Variants in BOP1 observed in about 807,000 individuals in gnomAD.
BOP1 encodes the protein ribosome biogenesis protein BOP1.
In BOP1, 54 loss-of-function variants were observed where a neutral mutation model predicts 82.9. The observed-to-expected ratio is 0.65, with a 90% CI of 0.52 to 0.82. The LOEUF (loss-of-function observed/expected upper bound fraction) is 0.82, where lower values mean the gene tolerates loss of function less well. Ranked by LOEUF, BOP1 falls within the 40% of genes least tolerant of loss-of-function variation. The pLI is 0.00. For missense variants in BOP1, 1,170 were observed against 1,072.0 expected (o/e 1.09, Z -1.28); for synonymous variants, 566 against 451.1 (o/e 1.25, Z -3.23).
chr8:144,267,890 C>G (rs1421552845), intron 3 of BOP1, among the ~76,000 whole-genome samples: 1 of 152,260 alleles, frequency 6.6e-6, no homozygotes, highest in Non-Finnish European at 1.5e-5. Context: ...CGCGCGAGCT[C>G]CTGGGGCCTG....
intron 3 of BOP1, among the ~76,000 whole-genome samples, chr8:144,267,560 C>T (rs1288708413): frequency 6.6e-6 from 1 of 152,248 alleles, no homozygotes; most frequent in Non-Finnish European, 1.5e-5. Context: ...GGCTGCAAGG[C>T]AAGAGAGGAA....
At chr8:144,279,861 C>T (rs1186255516) in intron 2 of BOP1, among the ~76,000 whole-genome samples, 1 of 152,114 alleles carries the variant, frequency 6.6e-6, no homozygotes, top group Non-Finnish European at 1.5e-5. Flanking sequence ...GGGTACCCTT[C>T]GTGAACATGG....
rs114344757 is a variant in BOP1 at position 144,278,821 on chromosome 8, A to C, written c.310-2517T>G. ...GCTGCTATCCAAGAGCTCTGTGCCGATGGCTCGTGTGACAGCAACGACTCA... is the reference window on the plus strand; with the variant it reads ...GCTGCTATCCAAGAGCTCTGTGCCGCTGGCTCGTGTGACAGCAACGACTCA... On this transcript the variant is annotated intron_variant, in intron 2 of 15. Coordinates refer to ENST00000569669, the MANE Select transcript of BOP1 (RefSeq NM_015201.5). 7.9e-3 allele frequency among the ~76,000 whole-genome samples: 1,196 copies of C among 152,326 alleles called. 17 individuals are homozygous for C. The highest frequency in any genetic ancestry group is 0.028 in the African/African-American group (1,149 of 41,576).
intron 2 of BOP1, 69 bp from the exon 3 acceptor site, chr8:144,276,373 A>G: frequency 6.4e-7 from 1 of 1,557,868 alleles, no homozygotes; most frequent in Non-Finnish European, 8.7e-7. Context: ...GGGGGATCCC[A>G]GGAAGCCCAC....
intron 2 of BOP1, among the ~76,000 whole-genome samples, chr8:144,283,040 A>C (rs1208975930): frequency 1.3e-5 from 2 of 151,310 alleles, no homozygotes; most frequent in Non-Finnish European, 2.9e-5. Flanking sequence ...AATACAAAAA[A>C]AAAAAAAATT....
intron 3 of BOP1, among the ~76,000 whole-genome samples, chr8:144,266,380 C>T (rs1845363798): frequency 1.3e-5 from 2 of 151,058 alleles, no homozygotes; most frequent in African/African-American, 2.4e-5. Flanking sequence ...AGCCTCCGGG[C>T]TGAGAGGGGC....
intron 3 of BOP1, among the ~76,000 whole-genome samples, chr8:144,272,868 G>A (rs974610885): frequency 6.6e-5 from 10 of 152,180 alleles, no homozygotes; most frequent in Non-Finnish European, 1.2e-4. Flanking sequence ...CAAGGGGCAC[G>A]CGGCAGTCAG....
intron 2 of BOP1, among the ~76,000 whole-genome samples, chr8:144,279,505 C>T (rs1554838683): frequency 6.6e-6 from 1 of 152,168 alleles, no homozygotes; most frequent in African/African-American, 2.4e-5. Flanking sequence ...AGAGAGGGGC[C>T]CAAGGACCCC....
At position 144,264,076 on chromosome 8, in the gene BOP1, T is replaced by G; in HGVS notation, c.1045A>C (p.Ser349Arg). 6.2e-7 allele frequency: 1 copy of G among 1,610,086 alleles called. No individual in the cohort carries two copies. The highest frequency in any genetic ancestry group is 1.3e-5 in the African/African-American group (1 of 74,970). Residue 349 changes from serine (S) to arginine (R), a missense_variant, in exon 8 of 16, where the codon AGC (serine) becomes CGC (arginine). Coordinates refer to ENST00000569669, the MANE Select transcript of BOP1 (RefSeq NM_015201.5). Reference sequence around the variant, plus strand: ...CCGTAGGCAGGCACGGCCCGCAGGCTCGGGAACTTGCGTGGCAAAAAGCTC... The same window carrying G: ...CCGTAGGCAGGCACGGCCCGCAGGCGCGGGAACTTGCGTGGCAAAAAGCTC... Reference protein sequence around the residue: ...KLSFLPRKFPSLRAVPAYGRF... With the variant: ...KLSFLPRKFPRLRAVPAYGRF...
At chr8:144,280,908 A>T (rs1305426805) in intron 2 of BOP1, among the ~76,000 whole-genome samples, 1 of 151,742 alleles carries the variant, frequency 6.6e-6, no homozygotes, top group Non-Finnish European at 1.5e-5. Context: ...GCCTTCTCTC[A>T]CTTTCATACC....
intron 9 of BOP1, 33 bp downstream of exon 9, chr8:144,263,798 G>A (rs995459288): frequency 1.2e-6 from 2 of 1,607,124 alleles, no homozygotes; most frequent in East Asian, 2.2e-5. Context: ...CAGACTGGGA[G>A]GGTGCAACCC....
intron 2 of BOP1, among the ~76,000 whole-genome samples, chr8:144,278,497 G>A (rs587662555): frequency 1.3e-5 from 2 of 152,332 alleles, no homozygotes; most frequent in East Asian, 1.9e-4. Context: ...CATGAGACAC[G>A]GGCTCTGCCC....
chr8:144,286,172 C>A (rs547841553), intron 2 of BOP1, among the ~76,000 whole-genome samples: 2 of 152,340 alleles, frequency 1.3e-5, no homozygotes, highest in Admixed American at 6.5e-5. Flanking sequence ...GGAGGGGTTC[C>A]CACTAAGAAG....
intron 3 of BOP1, among the ~76,000 whole-genome samples, chr8:144,268,747 C>T (rs993024028): frequency 2.0e-4 from 31 of 152,050 alleles, no homozygotes; most frequent in Non-Finnish European, 4.3e-4. Context: ...GGAGGAGCTG[C>T]GTGGCAGAAG....
rs1384211960 is a variant in BOP1 at position 144,262,086 on chromosome 8, G to A, written c.*78C>T. 1.9e-6 allele frequency: 3 copies of A among 1,595,852 alleles called. No individual in the cohort carries two copies. In the African/African-American group the frequency reaches 4.0e-5, roughly 21 times the overall value. On this transcript the variant is annotated 3_prime_UTR_variant, in exon 16 of 16. Coordinates refer to ENST00000569669, the MANE Select transcript of BOP1 (RefSeq NM_015201.5). ...TTGTTGGCAACCCCAATTCAAGAAG[G>A]TGGGAGCACCAGGCAGCACAGGGTA...
rs1815067846 is a variant in BOP1, at chr8:144,291,343, T to G, written c.28A>C (p.Thr10Pro). ...TCCGGCCGCACGCTCGGCGCCGCCG[T>G]GCGCCCCGCACCCCGCGAACCCGCC... MAGSRGAGR[T>P]AAPSVRPEKR... Residue 10 changes from threonine (T) to proline (P), a missense_variant, in exon 1 of 16, where the codon ACG (threonine) becomes CCG (proline). Transcript: ENST00000569669. The surrounding 1 kb of genome is among the most constrained non-coding windows in gnomAD (Gnocchi z 4.1). 1 of 1,400,240 alleles carries G rather than the reference T, an allele frequency of 7.1e-7. No individual in the cohort carries two copies. The highest frequency in any genetic ancestry group is 2.7e-5 in the Admixed American group (1 of 36,950). 86.7% of individuals were successfully genotyped at this position (1,400,240 alleles called of 1,614,324 possible). A position where few individuals can be genotyped will look rare whatever the true frequency, so the allele number is the denominator to read the frequency against.
chr8:144,275,431 G>A (rs1165626217), intron 3 of BOP1, among the ~76,000 whole-genome samples: 4 of 137,064 alleles, frequency 2.9e-5, no homozygotes, highest in East Asian at 2.0e-4. Flanking sequence ...GCCTCTCCAC[G>A]CCGGCGGAAC....
intron 3 of BOP1, among the ~76,000 whole-genome samples, chr8:144,271,561 C>G (rs1002791248): frequency 6.6e-6 from 1 of 152,164 alleles, no homozygotes; most frequent in Non-Finnish European, 1.5e-5. Context: ...GACGTGAGGC[C>G]GCCTCCTCTT....
rs142333465 is a variant in BOP1, at chr8:144,284,095, C to A, written c.309+5000G>T. On this transcript the variant is annotated intron_variant, in intron 2 of 15. Transcript: ENST00000569669. ...TTGCACCACCGTACTCCAGCCTGGG[C>A]GACAGAGCGAGACTCTGTCTCAAAA... Among the ~76,000 whole-genome samples, 929 of 152,034 alleles carry A rather than the reference C, an allele frequency of 6.1e-3. 7 individuals carry two copies. Among genetic ancestry groups the A allele is most frequent in the African/African-American group, 0.021 (885 of 41,434 alleles).
Sources: gnomAD v4.1 joint callset for allele counts (sites outside exome capture counted in the v4.1 genomes callset) on GRCh38, gnomAD v4.1.1 for gene constraint, Gnocchi (gnomAD v3.1) non-coding constraint, MANE v1.5 for transcripts, NCBI Gene and HGNC (gene_info 2026-07-23, HGNC 2026-07-21) for gene names.